Variants in ADK observed in about 807,000 individuals in gnomAD.
ADK encodes N6,N6-dimethyladenosine kinase.
ADK carries 24 observed loss-of-function variants against 44.7 expected under a neutral mutation model. The ratio of observed to expected loss-of-function variants is 0.54; its 90% CI spans 0.39 to 0.76. The LOEUF (loss-of-function observed/expected upper bound fraction) is 0.76, where lower values mean the gene tolerates loss of function less well. ADK is among the 30% of genes least tolerant of loss of function. The pLI is 0.00. For missense variants in ADK, 321 were observed against 425.1 expected (o/e 0.76, Z 2.15); for synonymous variants, 128 against 142.6 (o/e 0.90, Z 0.73).
At chr10:74,192,546 C>T (rs1842989294) in intron 1 of ADK, among the ~76,000 whole-genome samples, 2 of 134,004 alleles carry the variant, frequency 1.5e-5, no homozygotes, top group African/African-American at 5.9e-5. Context: ...TTTTTTCAAA[C>T]AGATATGGTT....
At chr10:74,608,658 G>A (rs966162939) in intron 9 of ADK, among the ~76,000 whole-genome samples, 9 of 152,096 alleles carry the variant, frequency 5.9e-5, no homozygotes, top group African/African-American at 1.9e-4. Flanking sequence ...CTGTATGAGG[G>A]GTCTGTCGAC....
intron 3 of ADK, among the ~76,000 whole-genome samples, chr10:74,300,610 G>A (rs1839997051): frequency 6.6e-6 from 1 of 151,936 alleles, no homozygotes; most frequent in African/African-American, 2.4e-5. Flanking sequence ...AACTCCTAAT[G>A]TCAAGCTATC....
intron 7 of ADK, among the ~76,000 whole-genome samples, chr10:74,574,418 C>T (rs1361909151): frequency 2.6e-5 from 4 of 152,148 alleles, no homozygotes; most frequent in Admixed American, 2.0e-4. Context: ...ATCTGCCTGC[C>T]TCAGCCTCCC....
chr10:74,540,463 A>T (rs1475156318), intron 7 of ADK, among the ~76,000 whole-genome samples: 1 of 149,756 alleles, frequency 6.7e-6, no homozygotes, highest in Non-Finnish European at 1.5e-5. Flanking sequence ...AATGCCTTTA[A>T]TTTTTTTTTT....
intron 3 of ADK, among the ~76,000 whole-genome samples, chr10:74,246,753 C>T (rs1845430226): frequency 6.6e-6 from 1 of 152,040 alleles, no homozygotes; most frequent in Non-Finnish European, 1.5e-5. Flanking sequence ...TTAGTCTGGT[C>T]TTCTTTTGGA....
chr10:74,466,984 T>A (rs1846379989), intron 6 of ADK, among the ~76,000 whole-genome samples: 2 of 152,172 alleles, frequency 1.3e-5, no homozygotes, highest in African/African-American at 4.8e-5. Flanking sequence ...TATATATACA[T>A]GTTTGTATTG....
intron 9 of ADK, among the ~76,000 whole-genome samples, chr10:74,636,142 A>C (rs984075945): frequency 1.3e-5 from 2 of 152,166 alleles, no homozygotes; most frequent in South Asian, 4.1e-4. Flanking sequence ...TTTTTTAATT[A>C]CAATCTAACA....
chr10:74,356,014 T>TTTTTTTTG (rs1564672706), intron 4 of ADK, among the ~76,000 whole-genome samples: 1 of 128,214 alleles, frequency 7.8e-6, no homozygotes, highest in Non-Finnish European at 1.7e-5. Context: ...TTTTTTTTTT[T>TTTTTTTTG]TTTTTTTTTT....
intron 3 of ADK, among the ~76,000 whole-genome samples, chr10:74,301,303 A>G (rs778235424): frequency 2.6e-5 from 4 of 152,150 alleles, no homozygotes; most frequent in Non-Finnish European, 4.4e-5. Flanking sequence ...TCATGAGGTC[A>G]GGAGTTCAAG....
intron 6 of ADK, among the ~76,000 whole-genome samples, chr10:74,416,882 A>G (rs1413430377): frequency 6.6e-6 from 1 of 152,094 alleles, no homozygotes; most frequent in Admixed American, 6.6e-5. Context: ...GTACACATAT[A>G]ATAAAGTAAA....
In ADK at chr10:74,456,356, G is replaced by T. The variant is rs182552854; in HGVS notation, c.555+57777G>T. Among the ~76,000 whole-genome samples the T allele has an allele frequency of 4.9e-3, 741 of 152,184 alleles. 5 individuals carry two copies. Among genetic ancestry groups the T allele is most frequent in the African/African-American group, 0.017 (697 of 41,520 alleles). ...AAAACACTTTCTCAGACCACAGTGC[G>T]ATCAAATTAGAACTCAGGATTAAGA... is the stretch of plus-strand genomic sequence containing the variant. On this transcript the variant is annotated intron_variant, in intron 6 of 10. Transcript: ENST00000539909.
At chr10:74,578,893 A>C (rs759414356) in intron 7 of ADK, among the ~76,000 whole-genome samples, 51 of 152,304 alleles carry the variant, frequency 3.3e-4, no homozygotes, top group Admixed American at 1.0e-3. Flanking sequence ...CCTTCATAAA[A>C]TAAAATGTAG....
chr10:74,502,033 G>T (rs889221701), intron 6 of ADK, among the ~76,000 whole-genome samples: 1 of 151,946 alleles, frequency 6.6e-6, no homozygotes, highest in African/African-American at 2.4e-5. Context: ...TAGAATTTTT[G>T]AAATGAAGGT....
chr10:74,448,185 A>G (rs995287027), intron 6 of ADK, among the ~76,000 whole-genome samples: 16 of 13,134 alleles, frequency 1.2e-3, no homozygotes, highest in African/African-American at 5.7e-3. Flanking sequence ...AAAAATAAAT[A>G]AGAGTTAGGT....
At chr10:74,387,942 T>G (rs756741613) in intron 4 of ADK, among the ~76,000 whole-genome samples, 2 of 152,126 alleles carry the variant, frequency 1.3e-5, no homozygotes, top group Non-Finnish European at 2.9e-5. Flanking sequence ...AGTTCCACTC[T>G]TATTGCCCAG....
chr10:74,198,072 A>G (rs189585938), intron 1 of ADK, among the ~76,000 whole-genome samples: 5 of 152,332 alleles, frequency 3.3e-5, no homozygotes, highest in Admixed American at 3.3e-4. Flanking sequence ...GAAGGAAAAT[A>G]AAAAACCAAG....
chr10:74,151,428 G>C, intron 1 of ADK, 85 bp downstream of exon 1: 1 of 1,436,308 alleles, frequency 7.0e-7, no homozygotes, highest in Admixed American at 2.0e-5. Context: ...CCCGACGCTG[G>C]GTGGTGTCTC....
At chr10:74,660,749 AG>A (rs1449348117) in intron 9 of ADK, among the ~76,000 whole-genome samples, 3 of 149,356 alleles carry the variant, frequency 2.0e-5, no homozygotes, top group African/African-American at 4.9e-5. Context: ...AAAAAAAAAA[AG>A]AGGCCAGGCG....
chr10:74,469,160 A>G (rs1846467408), intron 6 of ADK, among the ~76,000 whole-genome samples: 2 of 152,086 alleles, frequency 1.3e-5, no homozygotes, highest in Admixed American at 1.3e-4. Flanking sequence ...CAATGTTGCA[A>G]AACCCCATCC....
Sources: allele counts gnomAD v4.1 joint callset (sites outside exome capture counted in the v4.1 genomes callset), GRCh38; gene constraint gnomAD v4.1.1; transcripts MANE v1.5; gene names NCBI Gene and HGNC (gene_info 2026-07-23, HGNC 2026-07-21).